The following PIK3C2G variants were observed in gnomAD, a reference collection of about 807,000 sequenced individuals.
PIK3C2G encodes the protein phosphatidylinositol-4-phosphate 3-kinase catalytic subunit type 2 gamma.
PIK3C2G carries 168 observed loss-of-function variants against 181.1 expected under a neutral mutation model. The observed-to-expected ratio is 0.93, with a 90% CI of 0.82 to 1.05. The LOEUF (loss-of-function observed/expected upper bound fraction) is 1.05. PIK3C2G is among the 50% of genes least tolerant of loss of function. PIK3C2G has a pLI of 0.00. For missense variants in PIK3C2G, 1,869 were observed against 1,732.8 expected (o/e 1.08, Z -1.40); for synonymous variants, 573 against 592.2 (o/e 0.97, Z 0.47).
chr12:18,542,363 A>T (rs1326162433), intron 25 of PIK3C2G, among the ~76,000 whole-genome samples: 2 of 151,818 alleles, frequency 1.3e-5, no homozygotes, highest in Non-Finnish European at 2.9e-5. Context: ...TGCTAATTGT[A>T]GGTTTTCATT....
At chr12:18,437,280 T>C (rs752664030) in intron 18 of PIK3C2G, among the ~76,000 whole-genome samples, 1 of 152,014 alleles carries the variant, frequency 6.6e-6, no homozygotes, top group Non-Finnish European at 1.5e-5. Context: ...CAATTAATAT[T>C]TATAAGAAAA....
intron 16 of PIK3C2G, among the ~76,000 whole-genome samples, chr12:18,400,920 T>A (rs1207496701): frequency 6.6e-6 from 1 of 152,060 alleles, no homozygotes; most frequent in Non-Finnish European, 1.5e-5. Context: ...AGCTTGCAAC[T>A]TTTTTCTTTT....
intron 29 of PIK3C2G, among the ~76,000 whole-genome samples, chr12:18,589,761 G>A (rs929192993): frequency 6.6e-6 from 1 of 151,934 alleles, no homozygotes; most frequent in Non-Finnish European, 1.5e-5. Flanking sequence ...TTTTGCCCAT[G>A]GCATTCTCCA....
At position 18,282,913 on chromosome 12, in the gene PIK3C2G, T is replaced by C. The variant is rs564185158; in HGVS notation, c.678+154T>C. 8.4e-4 allele frequency among the ~76,000 whole-genome samples: 127 copies of C among 150,676 alleles called. 1 individual carries two copies. Among genetic ancestry groups the C allele is most frequent in the African/African-American group, 3.0e-3 (123 of 41,106 alleles). ...AATTTTCACAAATGATGTGTTCTTG[T>C]ATTAATGATTTTTTTTCTGAGAAAA... is the stretch of plus-strand genomic sequence containing the variant. On this transcript the variant is annotated intron_variant, in intron 2 of 32. Transcript: ENST00000538779.
intron 24 of PIK3C2G, among the ~76,000 whole-genome samples, chr12:18,527,492 C>T (rs1943302974): frequency 1.3e-5 from 2 of 152,108 alleles, no homozygotes; most frequent in African/African-American, 2.4e-5. Flanking sequence ...TTGATTTTCA[C>T]CTTCAACCTG....
intron 31 of PIK3C2G, among the ~76,000 whole-genome samples, chr12:18,615,353 G>C (rs1482230759): frequency 1.7e-5 from 2 of 114,670 alleles, no homozygotes; most frequent in African/African-American, 5.6e-5. Context: ...GTGTGTGTGT[G>C]TGTGTGTGTG....
the PIK3C2G span, among the ~76,000 whole-genome samples, chr12:18,694,598 C>T: frequency 0.14 from 20,988 of 152,040 alleles, 1,532 homozygotes; most frequent in Middle Eastern, 0.17. Context: ...AATTAGTGGG[C>T]TGAACTGAGA....
chr12:18,550,143 C>G (rs1054970714), intron 26 of PIK3C2G, among the ~76,000 whole-genome samples: 1 of 152,076 alleles, frequency 6.6e-6, no homozygotes, highest in African/African-American at 2.4e-5. Context: ...TTCTATCACA[C>G]ATCCCATCTA....
intron 31 of PIK3C2G, among the ~76,000 whole-genome samples, 167 bp downstream of exon 31, chr12:18,609,796 T>A (rs758446352): frequency 6.6e-6 from 1 of 152,036 alleles, no homozygotes; most frequent in Non-Finnish European, 1.5e-5. Context: ...ATGATTGTGA[T>A]CCTTGGGGTA....
chr12:18,424,210 T>C (rs1196481405), intron 18 of PIK3C2G, among the ~76,000 whole-genome samples, 171 bp downstream of exon 18: 1 of 152,194 alleles, frequency 6.6e-6, no homozygotes, highest in Non-Finnish European at 1.5e-5. Flanking sequence ...TAATGTGTCA[T>C]CATTTTCAAA....
At chr12:18,683,990 GA>G in the PIK3C2G span, 1 of 1,059,978 alleles carries the variant, frequency 9.4e-7, no homozygotes, top group Non-Finnish European at 1.4e-6. Context: ...ATTCCACAGA[GA>G]AAAAATATGT....
the PIK3C2G span, chr12:18,719,522 G>T: frequency 3.2e-6 from 5 of 1,585,152 alleles, no homozygotes; most frequent in Non-Finnish European, 4.3e-6. Flanking sequence ...TCATTTAATG[G>T]ATGAGTCATA....
chr12:18,399,916 A>G, intron 16 of PIK3C2G, 69 bp downstream of exon 16: 1 of 878,116 alleles, frequency 1.1e-6, no homozygotes, highest in Non-Finnish European at 1.6e-6. Context: ...CTATAGAACC[A>G]TATAATTAAT....
At position 18,488,610 on chromosome 12, in the gene PIK3C2G, C is replaced by T; in HGVS notation, c.2666C>T (p.Ala889Val). 2.0e-6 allele frequency: 3 copies of T among 1,531,460 alleles called. No individual in the cohort carries two copies. Among genetic ancestry groups the T allele is most frequent in the South Asian group, 1.3e-5 (1 of 77,916 alleles). The allele number at this position is 1,531,460 out of a possible 1,614,324, so 94.9% of individuals were successfully genotyped here. A position where few individuals can be genotyped will look rare whatever the true frequency, so the allele number is the denominator to read the frequency against. Residue 889 changes from alanine to valine, a missense_variant, in exon 19 of 33, where the codon GCC (alanine) becomes GTC (valine). Physicochemically the swap from Ala to Val is moderately conservative, Grantham distance 64. Coordinates refer to ENST00000538779, the MANE Select transcript of PIK3C2G (RefSeq NM_001288772.2). ...GATATTGGGGAAAGAGTCAAGTCTG[C>T]CAGTGACCATCAAAGACAGGTTTGT... ...LGDIGERVKS[A>V]SDHQRQEVLK...
intron 26 of PIK3C2G, among the ~76,000 whole-genome samples, chr12:18,551,786 T>G (rs1279892113): frequency 6.6e-6 from 1 of 152,092 alleles, no homozygotes; most frequent in Non-Finnish European, 1.5e-5. Flanking sequence ...CTTGGCTAGT[T>G]TCTAGTGGAA....
chr12:18,615,657 C>CAT (rs1450524896), intron 31 of PIK3C2G, among the ~76,000 whole-genome samples: 1 of 151,858 alleles, frequency 6.6e-6, no homozygotes, highest in African/African-American at 2.4e-5. Context: ...TTCTTTTACT[C>CAT]ATATATATAA....
the PIK3C2G span, chr12:18,705,196 A>C: frequency 2.5e-6 from 4 of 1,614,086 alleles, no homozygotes; most frequent in South Asian, 4.4e-5. Flanking sequence ...CAGGAAAATC[A>C]TCAAGCATAT....
At position 18,286,848 on chromosome 12, in the gene PIK3C2G, C is replaced by G; in HGVS notation, c.680C>G (p.Ser227Ter). The G allele has an allele frequency of 6.8e-7, 1 of 1,476,414 alleles. No homozygotes were observed. The highest frequency in any genetic ancestry group is 1.7e-4 in the Middle Eastern group (1 of 5,728). The allele number at this position is 1,476,414 out of a possible 1,614,324, so 91.5% of individuals were successfully genotyped here. A position where few individuals can be genotyped will look rare whatever the true frequency, so the allele number is the denominator to read the frequency against. The change falls in exon 3 of 33, where the codon TCA becomes TGA. Residue 227 changes from serine (S) to a stop codon, truncating the protein, a stop_gained and splice_region_variant. Coordinates refer to ENST00000538779, the MANE Select transcript of PIK3C2G (RefSeq NM_001288772.2). LOFTEE classifies it high-confidence loss of function. ...TAATTTAGTAGATTTTATTTTAAGT[C>G]AATAGGTTGTTCCATTCAGCTAGTG... is the stretch of plus-strand genomic sequence containing the variant. ...WESTWQKNIE[S>*]IGCSIQLVEV...
chr12:18,434,252 G>A (rs1946323626), intron 18 of PIK3C2G, among the ~76,000 whole-genome samples: 1 of 152,152 alleles, frequency 6.6e-6, no homozygotes, highest in Admixed American at 6.5e-5. Context: ...ACCCATTCAT[G>A]AGTGAATAGA....
Sources: allele counts gnomAD v4.1 joint callset (sites outside exome capture counted in the v4.1 genomes callset), GRCh38; gene constraint gnomAD v4.1.1; transcripts MANE v1.5; gene names NCBI Gene and HGNC (gene_info 2026-07-23, HGNC 2026-07-21).